The following GABBR2 variants were observed in gnomAD, a reference collection of about 807,000 sequenced individuals.
GABBR2 encodes gamma-aminobutyric acid type B receptor subunit 2.
In GABBR2, 23 loss-of-function variants were observed where a neutral mutation model predicts 105.6. The observed-to-expected ratio is 0.22, with a 90% CI of 0.16 to 0.31. The LOEUF (loss-of-function observed/expected upper bound fraction) is 0.31. Ranked by LOEUF, GABBR2 falls within the 10% of genes least tolerant of loss-of-function variation. The probability of loss-of-function intolerance (pLI) is 1.00; values close to 1 mark genes in which losing one functional copy is unlikely to be tolerated. For missense variants in GABBR2, 734 were observed against 1,245.5 expected, an observed-to-expected ratio of 0.59 and a Z score of 6.18; for synonymous variants, 478 against 499.7, an observed-to-expected ratio of 0.96 and a Z score of 0.58.
intron 7 of GABBR2, among the ~76,000 whole-genome samples, chr9:98,409,436 G>T (rs897020430): frequency 2.0e-5 from 3 of 152,096 alleles, no homozygotes; most frequent in Non-Finnish European, 4.4e-5. Context: ...GCCAGACTCT[G>T]TCCCTCCACA....
chr9:98,378,499 A>G (rs1025212808), intron 11 of GABBR2, among the ~76,000 whole-genome samples: 7 of 152,174 alleles, frequency 4.6e-5, no homozygotes, highest in Non-Finnish European at 8.8e-5. Context: ...TTTATCTTAC[A>G]CAATCAGTCT....
At chr9:98,496,217 C>A (rs1460528872) in intron 4 of GABBR2, 196 bp downstream of exon 4, 2 of 599,218 alleles carry the variant, frequency 3.3e-6, no homozygotes, top group Non-Finnish European at 6.0e-6. Context: ...CAGCCAGCAC[C>A]TCTGGCCAGT....
At position 98,708,022 on chromosome 9, in the gene GABBR2, A is replaced by G. The variant is rs958297444; in HGVS notation, c.321+395T>C. Among the ~76,000 whole-genome samples the G allele has an allele frequency of 3.3e-5, 5 of 152,172 alleles. No homozygotes were observed. In the South Asian group the frequency reaches 1.0e-3, roughly 31 times the overall value. On this transcript the variant is annotated intron_variant, in intron 1 of 18. Transcript: ENST00000259455. ...CCCTGGGTGGCCCAGTTTGCAGTCAATGCGCCTGTTCCTCCCACTCGGTAC... is the reference window on the plus strand; with the variant it reads ...CCCTGGGTGGCCCAGTTTGCAGTCAGTGCGCCTGTTCCTCCCACTCGGTAC...
intron 5 of GABBR2, among the ~76,000 whole-genome samples, chr9:98,479,898 T>TA (rs1826878666): frequency 6.6e-6 from 1 of 152,208 alleles, no homozygotes; most frequent in African/African-American, 2.4e-5. Context: ...GCTATCCCTC[T>TA]ACCACTTGGA....
intron 13 of GABBR2, among the ~76,000 whole-genome samples, chr9:98,336,844 GT>G (rs1431312423): frequency 6.6e-6 from 1 of 152,020 alleles, no homozygotes; most frequent in African/African-American, 2.4e-5. Flanking sequence ...TATATTTGCT[GT>G]ATATGTGACT....
chr9:98,663,065 G>A (rs988823738), intron 1 of GABBR2, among the ~76,000 whole-genome samples: 1 of 152,210 alleles, frequency 6.6e-6, no homozygotes, highest in East Asian at 1.9e-4. Flanking sequence ...AGAATATAAT[G>A]CCCTAGTAAG....
chr9:98,479,355 T>A (rs1157966795), intron 5 of GABBR2, among the ~76,000 whole-genome samples: 5 of 152,152 alleles, frequency 3.3e-5, no homozygotes, highest in Admixed American at 3.3e-4. Flanking sequence ...ATCAGACAGG[T>A]GTTACAATCC....
chr9:98,445,676 G>A (rs997370744), intron 7 of GABBR2, among the ~76,000 whole-genome samples: 5 of 152,222 alleles, frequency 3.3e-5, no homozygotes, highest in South Asian at 2.1e-4. Context: ...CCAATGCATC[G>A]GTCATTGCTG....
At chr9:98,706,245 C>T (rs1427392493) in intron 1 of GABBR2, among the ~76,000 whole-genome samples, 1 of 152,060 alleles carries the variant, frequency 6.6e-6, no homozygotes, top group Non-Finnish European at 1.5e-5. Context: ...TGTTATCTTC[C>T]TTAAGCTGTG....
chr9:98,503,544 G>C (rs1285344073), intron 3 of GABBR2, among the ~76,000 whole-genome samples: 1 of 152,174 alleles, frequency 6.6e-6, no homozygotes, highest in African/African-American at 2.4e-5. Flanking sequence ...CCGGGAGAGG[G>C]ATTCTGGAGG....
At chr9:98,341,212 T>C (rs1176539991) in intron 13 of GABBR2, among the ~76,000 whole-genome samples, 1 of 152,196 alleles carries the variant, frequency 6.6e-6, no homozygotes, top group Non-Finnish European at 1.5e-5. Flanking sequence ...ATCGCGGCGG[T>C]GGCTGGCAGA....
At chr9:98,402,327 T>G (rs1263162212) in intron 8 of GABBR2, among the ~76,000 whole-genome samples, 1 of 152,132 alleles carries the variant, frequency 6.6e-6, no homozygotes, top group East Asian at 1.9e-4. Context: ...ATACTTTTTT[T>G]CTCTTAAGGG....
At chr9:98,385,091 C>T (rs1269227813) in intron 11 of GABBR2, among the ~76,000 whole-genome samples, 1 of 152,188 alleles carries the variant, frequency 6.6e-6, no homozygotes, top group Non-Finnish European at 1.5e-5. Flanking sequence ...GATCCTGACC[C>T]TGACTCTGAC....
intron 1 of GABBR2, chr9:98,607,222 T>C (rs1425721935): frequency 6.8e-7 from 1 of 1,474,616 alleles, no homozygotes. Context: ...AGCCTTACAA[T>C]CGACTACATT....
chr9:98,392,577 C>A (rs1832200556), intron 9 of GABBR2, among the ~76,000 whole-genome samples: 1 of 152,132 alleles, frequency 6.6e-6, no homozygotes, highest in African/African-American at 2.4e-5. Flanking sequence ...AAGGCTGAAT[C>A]CCTCAGGTCC....
chr9:98,648,124 G>GTGTGTGTGTGT lies in GABBR2; in HGVS notation c.321+60292_321+60293insACACACACACA, dbSNP rs1564140825. Reference sequence around the variant, plus strand: ...GTGTGTGTGTGTGTGTGTATAGATAGATAGATAGATAGATAGATAGATAGA... The same window carrying GTGTGTGTGTGT: ...GTGTGTGTGTGTGTGTGTATAGATAGTGTGTGTGTGTATAGATAGATAGATAGATAGATAGA... On this transcript the variant is annotated intron_variant, in intron 1 of 18. Coordinates refer to ENST00000259455, the MANE Select transcript of GABBR2 (RefSeq NM_005458.8). Among the ~76,000 whole-genome samples, 257 of 58,842 alleles carry GTGTGTGTGTGT rather than the reference G, an allele frequency of 4.4e-3. 1 individual carries two copies. The highest frequency in any genetic ancestry group is 8.5e-3 in the Admixed American group (59 of 6,912). 38.6% of individuals were successfully genotyped at this position (58,842 alleles called of 152,430 possible). A position where few individuals can be genotyped will look rare whatever the true frequency, so the allele number is the denominator to read the frequency against.
chr9:98,490,833 CT>C (rs1406896035), intron 4 of GABBR2, among the ~76,000 whole-genome samples: 1 of 152,224 alleles, frequency 6.6e-6, no homozygotes, highest in East Asian at 1.9e-4. Flanking sequence ...AACAGCTAAA[CT>C]TTAGCCACCC....
chr9:98,597,874 C>T (rs1232930767), intron 1 of GABBR2, among the ~76,000 whole-genome samples: 1 of 152,000 alleles, frequency 6.6e-6, no homozygotes, highest in East Asian at 1.9e-4. Flanking sequence ...GGCTGGAGTG[C>T]AGTGGTGCAA....
chr9:98,586,876 T>C (rs1829085048), intron 1 of GABBR2, among the ~76,000 whole-genome samples: 1 of 152,254 alleles, frequency 6.6e-6, no homozygotes, highest in African/African-American at 2.4e-5. Flanking sequence ...GTTTCCAGCA[T>C]TGTGTTTGGT....
Sources: allele counts gnomAD v4.1 joint callset (sites outside exome capture counted in the v4.1 genomes callset), GRCh38; gene constraint gnomAD v4.1.1; transcripts MANE v1.5; gene names NCBI Gene and HGNC (gene_info 2026-07-23, HGNC 2026-07-21).